The following BRD2 variants were observed in gnomAD, a reference collection of about 807,000 sequenced individuals.
BRD2 encodes the protein bromodomain containing 2.
A neutral mutation model predicts 79.1 loss-of-function variants in BRD2; 15 were observed. The observed-to-expected ratio is 0.19, with a 90% CI of 0.13 to 0.29. The LOEUF (loss-of-function observed/expected upper bound fraction) is 0.29, where lower values mean the gene tolerates loss of function less well. Among genes scored for constraint, BRD2 ranks in the 10% least tolerant of loss-of-function variants. The pLI, the probability that BRD2 is intolerant of heterozygous loss-of-function variation, is 1.00. For synonymous variants in BRD2, 488 were observed against 358.6 expected (o/e 1.36, Z -4.08); for missense variants, 1,053 against 991.3 (o/e 1.06, Z -0.84).
rs376374651 is a variant in BRD2, at chr6:32,974,639, C to G, written c.207C>G (p.Pro69=). The change falls in exon 3 of 13, where the codon CCC becomes CCG. Residue 69 remains proline (P), a synonymous_variant. Coordinates refer to ENST00000374825, the MANE Select transcript of BRD2 (RefSeq NM_005104.4). The part of the protein sequence containing the change: ...ANPPPPEVSN[P]KKPGRVTNQL... ...CACCACCCCCGGAGGTGTCCAATCC[C>G]AAAAAGCCAGGACGAGTTACCAACC... 9 of 1,614,214 alleles carry G rather than the reference C, an allele frequency of 5.6e-6. No homozygotes were observed. The highest frequency in any genetic ancestry group is 7.6e-6 in the Non-Finnish European group (9 of 1,180,042).
At chr6:32,975,337 T>C (rs1172582104) in intron 3 of BRD2, 47 bp from the exon 4 acceptor site, 1 of 1,497,350 alleles carries the variant, frequency 6.7e-7, no homozygotes, top group South Asian at 1.2e-5. Context: ...AGTCTCCCTA[T>C]AAGCATTTAT....
At position 32,968,847 on chromosome 6, in the gene BRD2, GGTCA is replaced by G. The variant is rs1777682489; in HGVS notation, c.-1512_-1509del. 1 of 154,920 alleles carries G rather than the reference GGTCA, an allele frequency of 6.5e-6. No individual in the cohort carries two copies. Among genetic ancestry groups the G allele is most frequent in the Non-Finnish European group, 1.4e-5 (1 of 69,736 alleles). 9.6% of individuals were successfully genotyped at this position (154,920 alleles called of 1,614,324 possible). A position where few individuals can be genotyped will look rare whatever the true frequency, so the allele number is the denominator to read the frequency against. ...GGGGGGGAAGCGGGCACGTGACCCC[GGTCA>G]GCCAATCTGGGTGCTGCTGACGTGG... On this transcript the variant is annotated 5_prime_UTR_variant, in exon 1 of 13. An upstream open reading frame in the 5' UTR loses its in-frame stop. Transcript: ENST00000374825.
intron 7 of BRD2, 127 bp downstream of exon 7, chr6:32,977,063 A>G: frequency 1.5e-6 from 2 of 1,315,700 alleles, no homozygotes; most frequent in South Asian, 1.5e-5. Flanking sequence ...ATAAAATAAT[A>G]GTGGAACAGA....
At chr6:32,977,007 C>T (rs747408320) in intron 7 of BRD2, 71 bp downstream of exon 7, 6 of 1,513,928 alleles carry the variant, frequency 4.0e-6, no homozygotes, top group African/African-American at 1.4e-5. Flanking sequence ...AATAAGTCTC[C>T]TTATGTGGGC....
intron 10 of BRD2, chr6:32,978,743 A>G: frequency 3.3e-6 from 1 of 306,658 alleles, no homozygotes; most frequent in South Asian, 5.4e-5. Context: ...TGATGCCCAC[A>G]TGCCGGCTGT....
rs577345540 is a variant in BRD2, at chr6:32,972,299, C to T, written c.-600C>T. The T allele has an allele frequency of 1.5e-5, 6 of 402,358 alleles. No individual in the cohort carries two copies. The East Asian group carries it at 3.0e-4, about 20-fold the overall frequency. 24.9% of individuals were successfully genotyped at this position (402,358 alleles called of 1,614,324 possible). A position where few individuals can be genotyped will look rare whatever the true frequency, so the allele number is the denominator to read the frequency against. ...GTCCGGGGCCGCCATTACAATCCAC[C>T]TCCATCCGCTTGGAAATGGCCTTCG... On this transcript the variant is annotated 5_prime_UTR_variant, in exon 2 of 13. Transcript: ENST00000374825.
rs1251718972 is a variant in BRD2 at position 32,972,418 on chromosome 6, GTCCACCCCCTCTAC to G, written c.-477_-464del. 1 of 296,466 alleles carries G rather than the reference GTCCACCCCCTCTAC, an allele frequency of 3.4e-6. No homozygotes were observed. The allele number at this position is 296,466 out of a possible 1,614,324, so 18.4% of individuals were successfully genotyped here. ...GGGCCCCGCCCAATCCTCGGAGTCT[GTCCACCCCCTCTAC>G]TCCGCCCTCAAGAGGATTTCAAAGA... On this transcript the variant is annotated 5_prime_UTR_variant, in exon 2 of 13. It removes the in-frame stop codon of an upstream open reading frame in the 5' UTR. Coordinates refer to ENST00000374825, the MANE Select transcript of BRD2 (RefSeq NM_005104.4).
At position 32,977,498 on chromosome 6, in the gene BRD2, G is replaced by T. The variant is rs771869865; in HGVS notation, c.1257G>T (p.Arg419=). ...CACAGGAGTTTGCTGCTGATGTACGGCTTATGTTCTCCAACTGCTATAAGT... is the reference window on the plus strand; with the variant it reads ...CACAGGAGTTTGCTGCTGATGTACGTCTTATGTTCTCCAACTGCTATAAGT... The part of the protein sequence containing the change: ...RDAQEFAADV[R]LMFSNCYKYN... The change falls in exon 8 of 13, where the codon CGG becomes CGT. Residue 419 remains arginine (R), a synonymous_variant. Transcript: ENST00000374825. 6.2e-7 allele frequency: 1 copy of T among 1,613,992 alleles called. No homozygotes were observed. Among genetic ancestry groups the T allele is most frequent in the Non-Finnish European group, 8.5e-7 (1 of 1,180,040 alleles).
Position 32,972,663 on chromosome 6 carries a change from C to A in BRD2, c.-236C>A. On this transcript the variant is annotated 5_prime_UTR_variant, in exon 2 of 13. Coordinates refer to ENST00000374825, the MANE Select transcript of BRD2 (RefSeq NM_005104.4). ...CTTAGTTGCCCGCCTCAGCTGAGGC[C>A]GCCGCCATTTTCTTGCTGTCCGCCG... The A allele has an allele frequency of 1.6e-6, 1 of 617,412 alleles. No individual in the cohort carries two copies. The highest frequency in any genetic ancestry group is 2.8e-6 in the Non-Finnish European group (1 of 352,220). The allele number at this position is 617,412 out of a possible 1,614,324, so 38.2% of individuals were successfully genotyped here.
intron 3 of BRD2, 68 bp downstream of exon 3, chr6:32,974,833 G>C: frequency 1.3e-6 from 2 of 1,554,586 alleles, no homozygotes; most frequent in Non-Finnish European, 8.7e-7. Context: ...GGGGTGGTCT[G>C]CCTAGTGTAG....
rs1778876246 is a variant in BRD2 at position 32,977,179 on chromosome 6, G to T, written c.1200+243G>T. The T allele has an allele frequency of 3.6e-6, 5 of 1,405,708 alleles. No individual in the cohort carries two copies. In the South Asian group the frequency reaches 3.7e-5, roughly 11 times the overall value. 87.1% of individuals were successfully genotyped at this position (1,405,708 alleles called of 1,614,324 possible). On this transcript the variant is annotated intron_variant, in intron 7 of 12. Transcript: ENST00000374825. ...TCTATAATTAAGTACTAATGTGGCA[G>T]TGTTGGGTTAAGGAAGTTATAGGGT... is the stretch of plus-strand genomic sequence containing the variant.
chr6:32,978,440 G>A (rs1187473853), intron 10 of BRD2, 52 bp downstream of exon 10: 2 of 1,579,480 alleles, frequency 1.3e-6, no homozygotes, highest in East Asian at 2.2e-5. Context: ...GTCTCTCTGG[G>A]GGATGCCATC....
chr6:32,974,519 A>G lies in BRD2; in HGVS notation c.87A>G (p.Pro29=). The stretch of plus-strand genomic sequence containing the variant: ...GGCTGGGCCCAGAAGCAGCAGCACC[A>G]GGGAAGAGGATTCGAAAACCCTCTC... ...LLGLGPEAAA[P]GKRIRKPSLL... Residue 29 remains proline (P), a synonymous_variant, in exon 3 of 13, where the codon CCA becomes CCG. Coordinates refer to ENST00000374825, the MANE Select transcript of BRD2 (RefSeq NM_005104.4). 1.9e-6 allele frequency: 3 copies of G among 1,614,140 alleles called. No homozygotes were observed. Among genetic ancestry groups the G allele is most frequent in the Non-Finnish European group, 2.5e-6 (3 of 1,179,964 alleles).
intron 9 of BRD2, 37 bp downstream of exon 9, chr6:32,978,042 A>G (rs1779002618): frequency 1.2e-6 from 2 of 1,604,562 alleles, no homozygotes; most frequent in East Asian, 4.5e-5. Context: ...ATTGGGTAAG[A>G]GGTTCATGCC....
chr6:32,977,631 G>A (rs1778938061), intron 8 of BRD2, 61 bp downstream of exon 8: 1 of 1,606,178 alleles, frequency 6.2e-7, no homozygotes, highest in Non-Finnish European at 8.5e-7. Flanking sequence ...TGTCATGTGT[G>A]CTGCATAGCC....
intron 1 of BRD2, chr6:32,969,325 C>A (rs1042250218): frequency 1.4e-6 from 1 of 716,650 alleles, no homozygotes; most frequent in East Asian, 2.7e-5. Flanking sequence ...TCCATTCGTC[C>A]CCTGGGGGTA....
intron 2 of BRD2, chr6:32,973,227 G>T: frequency 7.0e-7 from 1 of 1,420,930 alleles, no homozygotes; most frequent in Non-Finnish European, 9.5e-7. Context: ...TTGAACAGCA[G>T]GTTTGGCGTT....
Position 32,975,443 on chromosome 6 carries a change from A to G in BRD2, c.393A>G (p.Glu131=). The change falls in exon 4 of 13, where the codon GAA becomes GAG. Residue 131 remains glutamate, a synonymous_variant. Coordinates refer to ENST00000374825, the MANE Select transcript of BRD2 (RefSeq NM_005104.4). ...TGGGTACTATTAAGAGGAGACTTGA[A>G]AACAATTATTATTGGGCTGCTTCAG... The part of the protein sequence containing the change: ...MDMGTIKRRL[E]NNYYWAASEC... 1 of 1,612,374 alleles carries G rather than the reference A, an allele frequency of 6.2e-7. No homozygotes were observed. The highest frequency in any genetic ancestry group is 8.5e-7 in the Non-Finnish European group (1 of 1,179,456).
chr6:32,973,073 G>T, intron 2 of BRD2, 146 bp downstream of exon 2: 2 of 1,587,206 alleles, frequency 1.3e-6, no homozygotes, highest in South Asian at 2.3e-5. Context: ...AGGGAATTGA[G>T]CGACGGTTTT....
Sources: gnomAD v4.1 joint callset for allele counts on GRCh38, gnomAD v4.1.1 for gene constraint, MANE v1.5 for transcripts, NCBI Gene and HGNC (gene_info 2026-07-23, HGNC 2026-07-21) for gene names.